PLEKHA5: variants seen among roughly 807,000 people sequenced by gnomAD.
PLEKHA5 encodes the protein pleckstrin homology domain-containing family A member 5.
In PLEKHA5, 55 loss-of-function variants were observed where a neutral mutation model predicts 181.9. The ratio of observed to expected loss-of-function variants is 0.30; its 90% CI spans 0.24 to 0.38. PLEKHA5 has a LOEUF of 0.38. PLEKHA5 is among the 10% of genes least tolerant of loss of function. The pLI is 1.00. For synonymous variants in PLEKHA5, 535 were observed against 529.4 expected (o/e 1.01, Z -0.15); for missense variants, 1,432 against 1,549.5 (o/e 0.92, Z 1.27).
At chr12:19,310,685 G>A (rs1322446579) in intron 15 of PLEKHA5, among the ~76,000 whole-genome samples, 2 of 151,578 alleles carry the variant, frequency 1.3e-5, no homozygotes, top group African/African-American at 2.4e-5. Flanking sequence ...GGGAAGCCAA[G>A]GCGGGCGGAT....
intron 8 of PLEKHA5, among the ~76,000 whole-genome samples, chr12:19,268,767 A>G (rs1054647260): frequency 6.6e-6 from 1 of 152,200 alleles, no homozygotes; most frequent in African/African-American, 2.4e-5. Context: ...TACATTGATC[A>G]CAAATATGGG....
In PLEKHA5 at chr12:19,321,233, C is replaced by T. The variant is rs187977434; in HGVS notation, c.2217+609C>T. Reference sequence around the variant, plus strand: ...ATTGCTGTGTTTTTCAGATAAAGTTCGGCCTTTAGAAATTTTATCACTACT... The same window carrying T: ...ATTGCTGTGTTTTTCAGATAAAGTTTGGCCTTTAGAAATTTTATCACTACT... On this transcript the variant is annotated intron_variant, in intron 18 of 31. Transcript: ENST00000429027. 4.7e-4 allele frequency among the ~76,000 whole-genome samples: 71 copies of T among 151,148 alleles called. No homozygotes were observed. In the East Asian group the frequency reaches 0.012, roughly 25 times the overall value.
At chr12:19,354,147 T>TTTTC in intron 26 of PLEKHA5, 145 bp downstream of exon 26, 1 of 254,580 alleles carries the variant, frequency 3.9e-6, no homozygotes, top group Non-Finnish European at 6.9e-6. Context: ...TTTATTCTTT[T>TTTTC]TTTTTTTTTT....
chr12:19,226,803 T>C (rs953975063), intron 3 of PLEKHA5, among the ~76,000 whole-genome samples: 1 of 152,218 alleles, frequency 6.6e-6, no homozygotes, highest in Non-Finnish European at 1.5e-5. Flanking sequence ...TGCTCTGTTA[T>C]TTAAATTATT....
intron 26 of PLEKHA5, among the ~76,000 whole-genome samples, chr12:19,356,021 C>T (rs58263005): frequency 0.074 from 11,262 of 151,712 alleles, 462 homozygotes; most frequent in Middle Eastern, 0.11. Flanking sequence ...AAAAATTAGC[C>T]GGGAATGGTG....
At chr12:19,247,204 A>C (rs2063971414) in intron 3 of PLEKHA5, among the ~76,000 whole-genome samples, 1 of 152,234 alleles carries the variant, frequency 6.6e-6, no homozygotes, top group Admixed American at 6.5e-5. Flanking sequence ...GAGTGCTGTC[A>C]TACAGTTTTA....
intron 3 of PLEKHA5, among the ~76,000 whole-genome samples, chr12:19,198,683 ATTT>A (rs2053515098): frequency 6.6e-6 from 1 of 152,122 alleles, no homozygotes; most frequent in Non-Finnish European, 1.5e-5. Context: ...AAGGGAGCAG[ATTT>A]TTTTAATTAC....
chr12:19,324,402 T>C (rs2091617922), intron 20 of PLEKHA5, among the ~76,000 whole-genome samples: 1 of 152,210 alleles, frequency 6.6e-6, no homozygotes. Flanking sequence ...TTTAATATCC[T>C]TTCCATTGTG....
At chr12:19,142,941 C>A (rs1301882457) in intron 3 of PLEKHA5, among the ~76,000 whole-genome samples, 3 of 152,142 alleles carry the variant, frequency 2.0e-5, no homozygotes, top group Non-Finnish European at 4.4e-5. Context: ...CCAGTTCTAT[C>A]TATGTTGTCA....
chr12:19,322,199 T>G, intron 18 of PLEKHA5, 111 bp from the exon 19 acceptor site: 1 of 679,608 alleles, frequency 1.5e-6, no homozygotes, highest in Non-Finnish European at 2.6e-6. Flanking sequence ...GTAAGCTATA[T>G]TTTAACTTTT....
chr12:19,367,301 G>A (rs1211374908), intron 30 of PLEKHA5, among the ~76,000 whole-genome samples: 1 of 126,348 alleles, frequency 7.9e-6, no homozygotes, highest in Non-Finnish European at 1.6e-5. Flanking sequence ...TTTCACCCAG[G>A]CTGGAGTGAT....
chr12:19,129,833 C>T lies in PLEKHA5; in HGVS notation c.34C>T (p.Leu12=), dbSNP rs1205957908. 1.9e-6 allele frequency: 3 copies of T among 1,606,796 alleles called. No homozygotes were observed. Among genetic ancestry groups the T allele is most frequent in the Non-Finnish European group, 2.5e-6 (3 of 1,177,060 alleles). Residue 12 remains leucine, a synonymous_variant, in exon 1 of 32, where the codon CTG becomes TTG. Coordinates refer to ENST00000429027, the MANE Select transcript of PLEKHA5 (RefSeq NM_001256470.2). The part of the protein sequence containing the change: ...AADLNLEWIS[L]PRSWTYGITR... The stretch of plus-strand genomic sequence containing the variant: ...GGATCTGAACCTGGAGTGGATCTCC[C>T]TGCCCCGGTCCTGGACTTACGGGAT...
chr12:19,238,238 G>C (rs1051836281), intron 3 of PLEKHA5, among the ~76,000 whole-genome samples: 4 of 152,056 alleles, frequency 2.6e-5, no homozygotes, highest in South Asian at 2.1e-4. Flanking sequence ...TCAGTTTTCT[G>C]AAGCAGTTGA....
At chr12:19,374,616 G>A (rs189535230) in intron 31 of PLEKHA5, among the ~76,000 whole-genome samples, 2,331 of 101,600 alleles carry the variant, frequency 0.023, 64 homozygotes, top group African/African-American at 0.082. Flanking sequence ...CCAAGATTGC[G>A]CCACTGCACT....
chr12:19,326,020 TAAATA>T (rs1239897328), intron 20 of PLEKHA5, among the ~76,000 whole-genome samples: 64 of 151,788 alleles, frequency 4.2e-4, no homozygotes, highest in South Asian at 6.2e-4. Flanking sequence ...AAAAATAAAA[TAAATA>T]AAATAAAATA....
intron 12 of PLEKHA5, among the ~76,000 whole-genome samples, chr12:19,285,659 C>T (rs758283716): frequency 9.9e-5 from 15 of 152,184 alleles, no homozygotes; most frequent in Non-Finnish European, 1.6e-4. Context: ...GCAGTGGATC[C>T]AGACTATGCT....
At chr12:19,241,485 A>G (rs2062585608) in intron 3 of PLEKHA5, among the ~76,000 whole-genome samples, 1 of 152,174 alleles carries the variant, frequency 6.6e-6, no homozygotes, top group Admixed American at 6.5e-5. Context: ...GCTGGGTGTG[A>G]TAGGCTCATG....
intron 20 of PLEKHA5, among the ~76,000 whole-genome samples, chr12:19,334,764 T>C (rs1324772392): frequency 7.2e-6 from 1 of 139,044 alleles, no homozygotes; most frequent in East Asian, 2.1e-4. Flanking sequence ...GTGGAATCAC[T>C]TGAGACCAGC....
At chr12:19,224,562 T>A (rs560953857) in intron 3 of PLEKHA5, among the ~76,000 whole-genome samples, 133 of 152,246 alleles carry the variant, frequency 8.7e-4, no homozygotes, top group Non-Finnish European at 1.7e-3. Flanking sequence ...AAAATTTTTT[T>A]AAAAATTGTT....
Sources: allele counts gnomAD v4.1 joint callset (sites outside exome capture counted in the v4.1 genomes callset), GRCh38; gene constraint gnomAD v4.1.1; transcripts MANE v1.5; gene names NCBI Gene and HGNC (gene_info 2026-07-23, HGNC 2026-07-21).